THSD7A: variants seen among roughly 807,000 people sequenced by gnomAD.
The protein encoded by THSD7A is thrombospondin type-1 domain-containing protein 7A.
A neutral mutation model predicts 231.3 loss-of-function variants in THSD7A; 96 were observed. The observed-to-expected ratio is 0.41, with a 90% CI of 0.35 to 0.49. THSD7A has a LOEUF of 0.49. Among genes scored for constraint, THSD7A ranks in the 20% least tolerant of loss-of-function variants. The probability of loss-of-function intolerance (pLI) is 0.05; values close to 1 mark genes in which losing one functional copy is unlikely to be tolerated. For missense variants in THSD7A, 2,290 were observed against 2,070.2 expected (o/e 1.11, Z -2.06); for synonymous variants, 940 against 743.3 (o/e 1.26, Z -4.30).
chr7:11,402,019 G>A, intron 22 of THSD7A, 51 bp from the exon 23 acceptor site: 1 of 1,521,384 alleles, frequency 6.6e-7, no homozygotes, highest in Non-Finnish European at 8.9e-7. Flanking sequence ...AGAAAAGCCA[G>A]CCCGATAATC....
intron 1 of THSD7A, among the ~76,000 whole-genome samples, chr7:11,777,202 C>T (rs1339642242): frequency 6.6e-6 from 1 of 152,074 alleles, no homozygotes; most frequent in African/African-American, 2.4e-5. Context: ...TTTGTCTCCA[C>T]CGGCATAAGG....
intron 1 of THSD7A, among the ~76,000 whole-genome samples, chr7:11,764,100 T>C (rs1782952028): frequency 6.6e-6 from 1 of 152,208 alleles, no homozygotes; most frequent in South Asian, 2.1e-4. Context: ...TACCAATGTA[T>C]TGTTCTAAGA....
chr7:11,410,256 A>AAAGTTAAGTT (rs3086970), intron 19 of THSD7A, among the ~76,000 whole-genome samples: 5 of 151,574 alleles, frequency 3.3e-5, no homozygotes, highest in African/African-American at 9.7e-5. Flanking sequence ...GAGATGTAAG[A>AAAGTTAAGTT]AAGTTAAGTT....
At chr7:11,555,744 T>C (rs1483791509) in intron 4 of THSD7A, among the ~76,000 whole-genome samples, 2 of 151,890 alleles carry the variant, frequency 1.3e-5, no homozygotes, top group East Asian at 3.9e-4. Flanking sequence ...TCATATATTT[T>C]GCAGTCTGTT....
At chr7:11,674,780 T>C (rs1783568128) in intron 1 of THSD7A, among the ~76,000 whole-genome samples, 1 of 152,098 alleles carries the variant, frequency 6.6e-6, no homozygotes, top group South Asian at 2.1e-4. Flanking sequence ...CTCCAAAGGA[T>C]TGCACTAGAA....
At chr7:11,451,591 G>A (rs1048905925) in intron 11 of THSD7A, among the ~76,000 whole-genome samples, 4 of 151,964 alleles carry the variant, frequency 2.6e-5, no homozygotes, top group Non-Finnish European at 5.9e-5. Flanking sequence ...AAAAAGATTA[G>A]TAAGTTGAAT....
chr7:11,719,912 C>G (rs1583221969), intron 1 of THSD7A, among the ~76,000 whole-genome samples: 1 of 151,820 alleles, frequency 6.6e-6, no homozygotes, highest in East Asian at 2.0e-4. Flanking sequence ...ATGAACCGTT[C>G]TACTTTCTCC....
At chr7:11,758,751 A>C (rs1782763727) in intron 1 of THSD7A, among the ~76,000 whole-genome samples, 2 of 152,130 alleles carry the variant, frequency 1.3e-5, no homozygotes, top group Admixed American at 6.6e-5. Context: ...ATATGGCTTA[A>C]ACTAGTGGTT....
chr7:11,439,258 A>T (rs1326656008), intron 13 of THSD7A, among the ~76,000 whole-genome samples: 6 of 152,040 alleles, frequency 3.9e-5, no homozygotes, highest in Admixed American at 3.9e-4. Context: ...AATGTTTTAC[A>T]GGTATACCTT....
At chr7:11,498,684 C>T (rs2128309459) in intron 6 of THSD7A, among the ~76,000 whole-genome samples, 1 of 152,296 alleles carries the variant, frequency 6.6e-6, no homozygotes, top group South Asian at 2.1e-4. Context: ...TGGACAGGAC[C>T]TCCCAACTAG....
chr7:11,593,113 A>C (rs1780228424), intron 3 of THSD7A, 141 bp downstream of exon 3: 1 of 1,179,098 alleles, frequency 8.5e-7, no homozygotes, highest in Admixed American at 3.0e-5. Context: ...TTCTGTAAAA[A>C]AAGTTTTTTT....
At chr7:11,829,308 A>T (rs1403787195) in intron 1 of THSD7A, among the ~76,000 whole-genome samples, 1 of 151,852 alleles carries the variant, frequency 6.6e-6, no homozygotes, top group Non-Finnish European at 1.5e-5. Flanking sequence ...TTTATAATAT[A>T]TGTATCTGAC....
intron 9 of THSD7A, among the ~76,000 whole-genome samples, chr7:11,467,954 G>C (rs1284466036): frequency 1.3e-5 from 2 of 151,680 alleles, no homozygotes; most frequent in Non-Finnish European, 2.9e-5. Flanking sequence ...GACTACTCTG[G>C]AATCAATTTA....
At chr7:11,680,461 G>A (rs983328440) in intron 1 of THSD7A, among the ~76,000 whole-genome samples, 1 of 152,070 alleles carries the variant, frequency 6.6e-6, no homozygotes, top group Non-Finnish European at 1.5e-5. Flanking sequence ...ATCTGACAAA[G>A]GGCTAATTTC....
intron 1 of THSD7A, among the ~76,000 whole-genome samples, chr7:11,693,315 G>A (rs1036950627): frequency 5.9e-5 from 9 of 151,450 alleles, no homozygotes; most frequent in Admixed American, 4.0e-4. Context: ...CACATCTAAG[G>A]TACTCTAAAA....
chr7:11,724,160 G>A (rs889331632), intron 1 of THSD7A, among the ~76,000 whole-genome samples: 10 of 151,960 alleles, frequency 6.6e-5, no homozygotes, highest in African/African-American at 2.4e-4. Context: ...GAGAGATCAA[G>A]AATGTCATCA....
At position 11,636,789 on chromosome 7, in the gene THSD7A, C is replaced by A; in HGVS notation, c.363G>T (p.Leu121Phe). The stretch of plus-strand genomic sequence containing the variant: ...TCCAAGGTCCCAGTCTCCAGTCGTA[C>A]AACTCTTTGTGCCAATCGCAAACTT... Reference protein sequence around the residue: ...CFKVCDWHKELYDWRLGPWNQ... With the variant: ...CFKVCDWHKEFYDWRLGPWNQ... Residue 121 changes from leucine to phenylalanine, a missense_variant, in exon 2 of 28, where the codon TTG becomes TTT. Physicochemically the swap from Leu to Phe is conservative, Grantham distance 22. Transcript: ENST00000423059. The surrounding 1 kb of genome is among the most constrained non-coding windows in gnomAD (Gnocchi z 10.0). 6.2e-7 allele frequency: 1 copy of A among 1,614,002 alleles called. No individual in the cohort carries two copies. The highest frequency in any genetic ancestry group is 1.1e-5 in the South Asian group (1 of 91,086).
intron 6 of THSD7A, among the ~76,000 whole-genome samples, chr7:11,540,149 A>G (rs550474001): frequency 6.6e-6 from 1 of 152,344 alleles, no homozygotes; most frequent in East Asian, 1.9e-4. Context: ...GACATATCAC[A>G]GCAGATTATG....
intron 6 of THSD7A, among the ~76,000 whole-genome samples, chr7:11,502,074 A>G (rs1338796441): frequency 6.6e-6 from 1 of 152,140 alleles, no homozygotes; most frequent in African/African-American, 2.4e-5. Context: ...CCAAAACTGA[A>G]CCAGGAAAAA....
Sources: gnomAD v4.1 joint callset for allele counts (sites outside exome capture counted in the v4.1 genomes callset) on GRCh38, gnomAD v4.1.1 for gene constraint, Gnocchi (gnomAD v3.1) non-coding constraint, MANE v1.5 for transcripts, NCBI Gene and HGNC (gene_info 2026-07-23, HGNC 2026-07-21) for gene names.